Variants in DROSHA observed in about 807,000 individuals in gnomAD.
DROSHA encodes drosha ribonuclease III, also known as ribonuclease 3.
DROSHA carries 56 observed loss-of-function variants against 181.9 expected under a neutral mutation model. That is an observed-to-expected ratio of 0.31 (90% confidence interval 0.25 to 0.38). DROSHA has a LOEUF of 0.38. Ranked by LOEUF, DROSHA falls within the 10% of genes least tolerant of loss-of-function variation. The pLI is 1.00. For synonymous variants in DROSHA, 524 were observed against 591.2 expected (o/e 0.89, Z 1.65); for missense variants, 1,218 against 1,743.5 (o/e 0.70, Z 5.37).
chr5:31,432,692 G>C (rs17485567), intron 25 of DROSHA, among the ~76,000 whole-genome samples: 26,822 of 152,062 alleles, frequency 0.18, 2,591 homozygotes, highest in East Asian at 0.32. Flanking sequence ...CCTCAGAAGA[G>C]TTTAGAGCCA....
Position 31,495,379 on chromosome 5 carries a change from G to C in DROSHA, c.1669-7C>G, listed in dbSNP as rs762052766. 1 of 1,608,470 alleles carries C rather than the reference G, an allele frequency of 6.2e-7. No individual in the cohort carries two copies. Among genetic ancestry groups the C allele is most frequent in the Non-Finnish European group, 8.5e-7 (1 of 1,178,094 alleles). ...GACGACAGGGCTTGATGGCCTGAGG[G>C]GAAAAAAACGAAAATCAGTTTACAA... On this transcript the variant is annotated splice_polypyrimidine_tract_variant and splice_region_variant and intron_variant, in intron 11 of 35. Transcript: ENST00000344624.
At chr5:31,511,371 GAC>G (rs1373153579) in intron 8 of DROSHA, among the ~76,000 whole-genome samples, 195 bp from the exon 9 acceptor site, 4 of 152,138 alleles carry the variant, frequency 2.6e-5, no homozygotes, top group East Asian at 1.9e-4. Context: ...ACTTATCGCT[GAC>G]ACAGTCTTCA....
chr5:31,520,918 A>G (rs967735403), intron 6 of DROSHA, among the ~76,000 whole-genome samples: 3 of 152,162 alleles, frequency 2.0e-5, no homozygotes, highest in African/African-American at 7.2e-5. Context: ...TAATTTTTGG[A>G]AATTTATCAA....
intron 11 of DROSHA, among the ~76,000 whole-genome samples, chr5:31,502,319 G>C (rs756558842): frequency 1.1e-4 from 17 of 152,188 alleles, no homozygotes; most frequent in Admixed American, 2.6e-4. Context: ...TTGCCAAAAG[G>C]AATCTGTTGC....
chr5:31,405,598 T>C (rs1740543522), intron 35 of DROSHA, 79 bp downstream of exon 35: 1 of 1,286,462 alleles, frequency 7.8e-7, no homozygotes, highest in Non-Finnish European at 1.1e-6. Context: ...ATACTTACCA[T>C]TTTTCTCCTT....
chr5:31,423,105 G>T, intron 28 of DROSHA, 161 bp from the exon 29 acceptor site: 1 of 629,836 alleles, frequency 1.6e-6, no homozygotes, highest in Non-Finnish European at 2.6e-6. Flanking sequence ...TCTTTGAATG[G>T]CAAACAAATC....
intron 13 of DROSHA, among the ~76,000 whole-genome samples, chr5:31,487,907 C>T (rs1185977137): frequency 6.6e-6 from 1 of 152,016 alleles, no homozygotes; most frequent in African/African-American, 2.4e-5. Context: ...AATACCTATT[C>T]TTTGCTAACA....
intron 25 of DROSHA, 150 bp from the exon 26 acceptor site, chr5:31,431,828 G>C: frequency 1.5e-6 from 1 of 678,690 alleles, no homozygotes; most frequent in Non-Finnish European, 2.5e-6. Flanking sequence ...AGAGAGTTTA[G>C]TTTAACATTC....
chr5:31,452,279 A>G (rs1278147293), intron 20 of DROSHA, among the ~76,000 whole-genome samples: 1 of 152,222 alleles, frequency 6.6e-6, no homozygotes, highest in Non-Finnish European at 1.5e-5. Flanking sequence ...ACAAACCCCT[A>G]AAGCCCACGA....
intron 30 of DROSHA, among the ~76,000 whole-genome samples, chr5:31,418,214 G>A (rs920224182): frequency 1.3e-5 from 2 of 149,578 alleles, no homozygotes; most frequent in Non-Finnish European, 2.9e-5. Context: ...CTCTATGTGT[G>A]TGTGGTGTGT....
At chr5:31,444,015 T>C (rs1267998784) in intron 23 of DROSHA, among the ~76,000 whole-genome samples, 1 of 152,152 alleles carries the variant, frequency 6.6e-6, no homozygotes, top group Non-Finnish European at 1.5e-5. Flanking sequence ...TGGGTGCACA[T>C]AAGAACAAGA....
At chr5:31,432,155 G>A (rs952329692) in intron 25 of DROSHA, among the ~76,000 whole-genome samples, 16 of 149,296 alleles carry the variant, frequency 1.1e-4, no homozygotes, top group Admixed American at 3.3e-4. Context: ...TTTTTGAGAC[G>A]GAATCTGGCT....
intron 10 of DROSHA, among the ~76,000 whole-genome samples, 159 bp from the exon 11 acceptor site, chr5:31,504,794 A>G (rs1055764455): frequency 1.3e-5 from 2 of 152,348 alleles, no homozygotes; most frequent in Non-Finnish European, 2.9e-5. Context: ...AAACCAATAA[A>G]GCTGCAAACT....
intron 11 of DROSHA, among the ~76,000 whole-genome samples, chr5:31,501,165 T>C (rs536024267): frequency 4.6e-5 from 7 of 152,276 alleles, no homozygotes; most frequent in African/African-American, 1.7e-4. Flanking sequence ...TAGCAGACAG[T>C]TCAAGCCATG....
intron 13 of DROSHA, 58 bp from the exon 14 acceptor site, chr5:31,486,620 T>C (rs1751794961): frequency 2.6e-6 from 4 of 1,511,064 alleles, no homozygotes; most frequent in Admixed American, 1.8e-5. Context: ...GCTCATATTA[T>C]ACACGTTTGT....
intron 23 of DROSHA, among the ~76,000 whole-genome samples, chr5:31,442,335 C>G (rs533294182): frequency 1.3e-5 from 2 of 152,164 alleles, no homozygotes; most frequent in South Asian, 2.1e-4. Flanking sequence ...CCTAAGCCAA[C>G]GGTTTATCTG....
intron 13 of DROSHA, among the ~76,000 whole-genome samples, chr5:31,490,830 T>A (rs1397528636): frequency 6.6e-6 from 1 of 152,202 alleles, no homozygotes; most frequent in Non-Finnish European, 1.5e-5. Flanking sequence ...AGCTTAAAAC[T>A]CTATTTTTAT....
chr5:31,409,230 C>A lies in DROSHA; in HGVS notation c.3750+20G>T. The A allele has an allele frequency of 6.2e-7, 1 of 1,601,776 alleles. No homozygotes were observed. Among genetic ancestry groups the A allele is most frequent in the South Asian group, 1.1e-5 (1 of 89,006 alleles). ...CCAAACATAAAGCAGACCACTAATT[C>A]AAACTTTATATGAGCTTACTTTCAA... On this transcript the variant is annotated intron_variant, in intron 32 of 35. Transcript: ENST00000344624. This position sits in a 1 kb window ranked among gnomAD's most constrained non-coding sequence, Gnocchi z 4.0.
chr5:31,493,122 A>T, intron 13 of DROSHA, 85 bp downstream of exon 13: 1 of 1,332,240 alleles, frequency 7.5e-7, no homozygotes, highest in Non-Finnish European at 1.0e-6. Flanking sequence ...TAGGAGGCAG[A>T]TGACAGGAAA....
Sources: gnomAD v4.1 joint callset for allele counts (sites outside exome capture counted in the v4.1 genomes callset) on GRCh38, gnomAD v4.1.1 for gene constraint, Gnocchi (gnomAD v3.1) non-coding constraint, MANE v1.5 for transcripts, NCBI Gene and HGNC (gene_info 2026-07-23, HGNC 2026-07-21) for gene names.